DDRGK1: variants seen among roughly 807,000 people sequenced by gnomAD.
DDRGK1 encodes DDRGK domain containing 1.
In DDRGK1, 38 loss-of-function variants were observed where a neutral mutation model predicts 45.8. The observed-to-expected ratio is 0.83, with a 90% CI of 0.64 to 1.09. The LOEUF (loss-of-function observed/expected upper bound fraction) is 1.09, where lower values mean the gene tolerates loss of function less well. DDRGK1 is among the 50% of genes least tolerant of loss of function. The probability of loss-of-function intolerance (pLI) is 0.00; values close to 1 mark genes in which losing one functional copy is unlikely to be tolerated. For missense variants in DDRGK1, 403 were observed against 419.9 expected (o/e 0.96, Z 0.35); for synonymous variants, 171 against 168.7 (o/e 1.01, Z -0.11).
chr20:3,204,197 GCCTC>G (rs2067055061), intron 1 of DDRGK1, among the ~76,000 whole-genome samples: 1 of 152,202 alleles, frequency 6.6e-6, no homozygotes, highest in Non-Finnish European at 1.5e-5. Context: ...AACCCCTGCG[GCCTC>G]CCTAACAGGT....
At chr20:3,197,745 T>C (rs555151110) in intron 4 of DDRGK1, among the ~76,000 whole-genome samples, 1 of 151,320 alleles carries the variant, frequency 6.6e-6, no homozygotes, top group Non-Finnish European at 1.5e-5. Flanking sequence ...GCCTGGCCAA[T>C]ACGGTGAAAC....
rs1406697621 is a variant in DDRGK1 at position 3,191,272 on chromosome 20, G to A, written c.730-34C>T. 4 of 1,611,098 alleles carry A rather than the reference G, an allele frequency of 2.5e-6. No individual in the cohort carries two copies. In the Admixed American group the frequency reaches 6.7e-5, roughly 27 times the overall value. On this transcript the variant is annotated intron_variant, in intron 7 of 8. Transcript: ENST00000354488. Reference sequence around the variant, plus strand: ...AGAACAACTCTCAGAATAGAGATAGGCACCAATGTCCCCAGAAAAAGCACT... The same window carrying A: ...AGAACAACTCTCAGAATAGAGATAGACACCAATGTCCCCAGAAAAAGCACT...
At chr20:3,190,922 G>T in intron 8 of DDRGK1, 103 bp from the exon 9 acceptor site, 1 of 1,464,548 alleles carries the variant, frequency 6.8e-7, no homozygotes. Context: ...GGCCCTTCCG[G>T]CCTCCTGCCT....
chr20:3,195,439 C>T lies in DDRGK1; in HGVS notation c.511-86G>A, dbSNP rs958437297. ...GGTTGCTGCTACCCCTGCAGGACACCAGAGCATATAGCCCAGCCTTTTCTC... is the reference window on the plus strand; with the variant it reads ...GGTTGCTGCTACCCCTGCAGGACACTAGAGCATATAGCCCAGCCTTTTCTC... On this transcript the variant is annotated intron_variant, in intron 4 of 8. Coordinates refer to ENST00000354488, the MANE Select transcript of DDRGK1 (RefSeq NM_023935.3). 49 of 1,497,204 alleles carry T rather than the reference C, an allele frequency of 3.3e-5. No individual in the cohort carries two copies. The East Asian group carries it at 1.0e-3, about 31-fold the overall frequency. The allele number at this position is 1,497,204 out of a possible 1,614,324, so 92.7% of individuals were successfully genotyped here.
At chr20:3,197,386 G>C (rs2067015786) in intron 4 of DDRGK1, among the ~76,000 whole-genome samples, 1 of 152,160 alleles carries the variant, frequency 6.6e-6, no homozygotes, top group Admixed American at 6.5e-5. Flanking sequence ...AGAAATACGG[G>C]AAGAGGGGAA....
At chr20:3,192,914 G>T (rs185967551) in intron 6 of DDRGK1, among the ~76,000 whole-genome samples, 13 of 152,288 alleles carry the variant, frequency 8.5e-5, no homozygotes, top group African/African-American at 2.6e-4. Flanking sequence ...GGTCAGGATG[G>T]GCAAGGACAA....
intron 4 of DDRGK1, among the ~76,000 whole-genome samples, chr20:3,196,160 G>A (rs2067008909): frequency 6.6e-6 from 1 of 152,180 alleles, no homozygotes; most frequent in African/African-American, 2.4e-5. Flanking sequence ...ACAGGCAGCA[G>A]ACAGACCCTG....
chr20:3,202,606 G>A (rs558881981), intron 2 of DDRGK1, among the ~76,000 whole-genome samples: 126 of 152,282 alleles, frequency 8.3e-4, no homozygotes, highest in Non-Finnish European at 1.4e-3. Context: ...CAGAAGGTAC[G>A]GCAAAGAAAG....
chr20:3,191,196 T>G lies in DDRGK1; in HGVS notation c.772A>C (p.Ile258Leu). The change falls in exon 8 of 9, where the codon ATA (isoleucine) becomes CTA (leucine). Residue 258 changes from isoleucine to leucine, a missense_variant. By Grantham distance (5) the Ile-to-Leu change is conservative. Transcript: ENST00000354488. ...RIQDLLAEGTITGVIDDRGKF... is the reference protein window; with the variant it reads ...RIQDLLAEGTLTGVIDDRGKF... The stretch of plus-strand genomic sequence containing the variant: ...TTGGCTCTCATCATCTCACCTGTTA[T>G]AGTCCCCTCAGCCAGCAGGTCCTGG... The G allele has an allele frequency of 6.2e-7, 1 of 1,614,206 alleles. No homozygotes were observed. Among genetic ancestry groups the G allele is most frequent in the Non-Finnish European group, 8.5e-7 (1 of 1,180,036 alleles).
chr20:3,190,859 G>T (rs1220517488), intron 8 of DDRGK1, 40 bp from the exon 9 acceptor site: 1 of 1,578,982 alleles, frequency 6.3e-7, no homozygotes, highest in South Asian at 1.2e-5. Flanking sequence ...GGCCTCCTGG[G>T]CGTTCCCCAT....
chr20:3,200,632 T>C (rs557568898), intron 2 of DDRGK1, among the ~76,000 whole-genome samples, 178 bp from the exon 3 acceptor site: 20 of 152,164 alleles, frequency 1.3e-4, no homozygotes, highest in Non-Finnish European at 2.6e-4. Context: ...TGTGTGTGCA[T>C]GAATATGTAG....
At chr20:3,201,690 C>T (rs556202162) in intron 2 of DDRGK1, among the ~76,000 whole-genome samples, 32 of 150,776 alleles carry the variant, frequency 2.1e-4, no homozygotes, top group African/African-American at 7.8e-4. Context: ...CGGAGTCTCG[C>T]TCTGTTGCCC....
chr20:3,201,192 G>A (rs1270952681), intron 2 of DDRGK1, among the ~76,000 whole-genome samples: 1 of 151,806 alleles, frequency 6.6e-6, no homozygotes, highest in Non-Finnish European at 1.5e-5. Context: ...GCTGAGGCAG[G>A]GGAATGGTGT....
intron 2 of DDRGK1, among the ~76,000 whole-genome samples, chr20:3,201,316 A>T (rs1452934493): frequency 2.1e-5 from 3 of 144,774 alleles, no homozygotes; most frequent in Admixed American, 6.8e-5. Context: ...AAAATTAGCC[A>T]GGTGTGGTGG....
chr20:3,203,780 A>G (rs567369227), intron 1 of DDRGK1, among the ~76,000 whole-genome samples: 11 of 152,198 alleles, frequency 7.2e-5, no homozygotes, highest in South Asian at 2.1e-4. Context: ...CTCCCCAGCC[A>G]GAGAGTACAC....
At position 3,194,813 on chromosome 20, in the gene DDRGK1, G is replaced by A. The variant is rs745441684; in HGVS notation, c.672+17C>T. Reference sequence around the variant, plus strand: ...GGCAGGGAGCTGACACTCAGGCTCTGTTCAGTGGCTTCTTACCTTGATGTA... The same window carrying A: ...GGCAGGGAGCTGACACTCAGGCTCTATTCAGTGGCTTCTTACCTTGATGTA... On this transcript the variant is annotated intron_variant, in intron 6 of 8. Transcript: ENST00000354488. 18 of 1,614,002 alleles carry A rather than the reference G, an allele frequency of 1.1e-5. No individual in the cohort carries two copies. The highest frequency in any genetic ancestry group is 4.0e-5 in the African/African-American group (3 of 74,940).
chr20:3,198,100 TAAAAAAAA>T (rs34302663), intron 4 of DDRGK1, among the ~76,000 whole-genome samples: 1 of 53,030 alleles, frequency 1.9e-5, no homozygotes. Context: ...CCATCTCTCT[TAAAAAAAA>T]AAAAAAAAAA....
intron 4 of DDRGK1, among the ~76,000 whole-genome samples, chr20:3,199,177 T>G (rs1293708854): frequency 6.6e-6 from 1 of 152,004 alleles, no homozygotes; most frequent in Non-Finnish European, 1.5e-5. Context: ...AAGAAAAATC[T>G]GAATAATGTT....
At chr20:3,199,115 A>G (rs1288039449) in intron 4 of DDRGK1, among the ~76,000 whole-genome samples, 1 of 152,078 alleles carries the variant, frequency 6.6e-6, no homozygotes, top group African/African-American at 2.4e-5. Context: ...AGATCGTGCC[A>G]TTGCACTCCA....
Sources: gnomAD v4.1 joint callset for allele counts (sites outside exome capture counted in the v4.1 genomes callset) on GRCh38, gnomAD v4.1.1 for gene constraint, MANE v1.5 for transcripts, NCBI Gene and HGNC (gene_info 2026-07-23, HGNC 2026-07-21) for gene names.